The following PLXNA4 variants were observed in gnomAD, a reference collection of about 807,000 sequenced individuals.
PLXNA4 encodes plexin-A4.
Under a neutral mutation model 191.8 loss-of-function variants are expected in PLXNA4, and 44 were observed. The ratio of observed to expected loss-of-function variants is 0.23; its 90% CI spans 0.18 to 0.29. PLXNA4 has a LOEUF of 0.29. Among genes scored for constraint, PLXNA4 ranks in the 10% least tolerant of loss-of-function variants. The pLI, the probability that PLXNA4 is intolerant of heterozygous loss-of-function variation, is 1.00. For missense variants in PLXNA4, 1,800 were observed against 2,488.8 expected (o/e 0.72, Z 5.89); for synonymous variants, 1,082 against 1,009.5 (o/e 1.07, Z -1.36).
chr7:132,542,454 CT>C (rs1487074649), intron 1 of PLXNA4, among the ~76,000 whole-genome samples: 7 of 152,164 alleles, frequency 4.6e-5, no homozygotes, highest in Non-Finnish European at 1.0e-4. Context: ...CTTCAATTTT[CT>C]ATGTTTGTAC....
chr7:132,284,327 C>T (rs1238600029), intron 4 of PLXNA4, among the ~76,000 whole-genome samples: 1 of 152,352 alleles, frequency 6.6e-6, no homozygotes, highest in African/African-American at 2.4e-5. Context: ...CTAACTGATG[C>T]TTAAATCTGT....
rs1315826602 is a variant in PLXNA4, at chr7:132,174,912, C to T, written c.3883G>A (p.Glu1295Lys). ...VALECKEAFA[E>K]LQTDIHELTS... ...AGCTCATGGATGTCCGTCTGCAGCT[C>T]GGCAAAGGCTGGCACGAAGAGAAGC... The change falls in exon 21 of 32, where the codon GAG becomes AAG. Residue 1295 changes from glutamate (E) to lysine (K), a missense_variant. This residue lies in a region of PLXNA4 where 1,397 missense variants were observed against 1,880.4 expected (regional missense o/e 0.74). Transcript: ENST00000321063. 1 of 1,614,040 alleles carries T rather than the reference C, an allele frequency of 6.2e-7. No homozygotes were observed. The highest frequency in any genetic ancestry group is 1.3e-5 in the African/African-American group (1 of 75,038).
At chr7:132,480,234 G>A (rs1295340235) in intron 3 of PLXNA4, among the ~76,000 whole-genome samples, 1 of 152,216 alleles carries the variant, frequency 6.6e-6, no homozygotes, top group African/African-American at 2.4e-5. Context: ...GGGGGTGAAA[G>A]TGAGGAAAGT....
At chr7:132,209,871 T>A (rs1396263670) in intron 10 of PLXNA4, among the ~76,000 whole-genome samples, 1 of 152,202 alleles carries the variant, frequency 6.6e-6, no homozygotes, top group Non-Finnish European at 1.5e-5. Flanking sequence ...TGCCACTCAC[T>A]AGTTGTGTGA....
intron 3 of PLXNA4, among the ~76,000 whole-genome samples, chr7:132,380,124 TA>T (rs1804829870): frequency 6.6e-6 from 1 of 152,068 alleles, no homozygotes; most frequent in South Asian, 2.1e-4. Context: ...ATTCCAGGAG[TA>T]GCAGCAGCCC....
chr7:132,181,353 C>A (rs199629511), intron 18 of PLXNA4, 28 bp downstream of exon 18: 335 of 1,611,800 alleles, frequency 2.1e-4, no homozygotes, highest in Middle Eastern at 1.2e-3. Context: ...TCTTTTCCCA[C>A]CCCCGCCTCC....
At chr7:132,584,627 G>A (rs1000270873) in intron 2 of PLXNA4, among the ~76,000 whole-genome samples, 4 of 152,134 alleles carry the variant, frequency 2.6e-5, no homozygotes, top group South Asian at 2.1e-4. Context: ...CAGTGTATTC[G>A]TGTATATCTT....
intron 3 of PLXNA4, among the ~76,000 whole-genome samples, chr7:132,393,811 G>C (rs1384515349): frequency 2.0e-5 from 3 of 152,104 alleles, no homozygotes; most frequent in Non-Finnish European, 4.4e-5. Context: ...TAGCAGAGCG[G>C]GGCGGCACCA....
intron 1 of PLXNA4, among the ~76,000 whole-genome samples, chr7:132,554,419 C>A (rs544031356): frequency 5.3e-5 from 8 of 152,324 alleles, no homozygotes; most frequent in African/African-American, 1.7e-4. Flanking sequence ...AATACACTGA[C>A]ACACTCCGTT....
chr7:132,406,556 T>C (rs1362886657), intron 3 of PLXNA4, among the ~76,000 whole-genome samples: 1 of 152,220 alleles, frequency 6.6e-6, no homozygotes, highest in Admixed American at 6.5e-5. Context: ...TCAGAGCATC[T>C]GCTCCCTCCT....
At chr7:132,621,268 G>GTTTTTTTTTTTTTT (rs542790311) in intron 2 of PLXNA4, among the ~76,000 whole-genome samples, 1 of 83,198 alleles carries the variant, frequency 1.2e-5, no homozygotes, top group African/African-American at 3.9e-5. Context: ...TGGTTTTTTT[G>GTTTTTTTTTTTTTT]TTTTTTTTTT....
intron 4 of PLXNA4, among the ~76,000 whole-genome samples, chr7:132,244,227 C>A (rs994136604): frequency 6.6e-6 from 1 of 152,084 alleles, no homozygotes; most frequent in African/African-American, 2.4e-5. Flanking sequence ...AGGAACTGGG[C>A]GCGTTAGGTC....
chr7:132,466,650 G>A (rs1381245003), intron 3 of PLXNA4, among the ~76,000 whole-genome samples: 2 of 152,148 alleles, frequency 1.3e-5, no homozygotes, highest in African/African-American at 4.8e-5. Context: ...TCCCCTGGTG[G>A]CAGTGGGATG....
intron 16 of PLXNA4, among the ~76,000 whole-genome samples, chr7:132,184,843 A>ACC (rs1796824514): frequency 6.6e-6 from 1 of 152,094 alleles, no homozygotes; most frequent in East Asian, 1.9e-4. Context: ...AGGTATTTGG[A>ACC]TGGGGCCTCC....
chr7:132,542,659 C>T lies in PLXNA4; in HGVS notation c.-87+33763G>A, dbSNP rs534276632. Reference sequence around the variant, plus strand: ...GATAAGACTATTCTCACTGTATCCTCGATGTCTCTTACCTAAGTTTTCTGT... The same window carrying T: ...GATAAGACTATTCTCACTGTATCCTTGATGTCTCTTACCTAAGTTTTCTGT... On this transcript the variant is annotated intron_variant, in intron 1 of 31. Transcript: ENST00000321063. Among the ~76,000 whole-genome samples the T allele has an allele frequency of 5.7e-4, 87 of 152,236 alleles. 1 individual carries two copies. The highest frequency in any genetic ancestry group is 3.4e-3 in the Middle Eastern group (1 of 294).
Position 132,180,701 on chromosome 7 carries a change from C to T in PLXNA4, c.3524G>A (p.Gly1175Asp). The T allele has an allele frequency of 6.2e-7, 1 of 1,614,114 alleles. No individual in the cohort carries two copies. The highest frequency in any genetic ancestry group is 8.5e-7 in the Non-Finnish European group (1 of 1,180,002). Residue 1175 changes from glycine to aspartate, a missense_variant, in exon 19 of 32, where the codon GGC (glycine) becomes GAC (aspartate). By Grantham distance (94) the Gly-to-Asp change is moderately conservative. This residue lies in a region of PLXNA4 where 1,397 missense variants were observed against 1,880.4 expected (regional missense o/e 0.74). Coordinates refer to ENST00000321063, the MANE Select transcript of PLXNA4 (RefSeq NM_020911.2). ...CACAGTGTAGTTCAGCTTCACGTTGCCCCCAGCCACAGGCGGGATCAGGTT... is the reference window on the plus strand; with the variant it reads ...CACAGTGTAGTTCAGCTTCACGTTGTCCCCAGCCACAGGCGGGATCAGGTT... ...GKNLIPPVAG[G>D]NVKLNYTVLV...
intron 2 of PLXNA4, among the ~76,000 whole-genome samples, chr7:132,622,881 G>A (rs1460222572): frequency 6.6e-6 from 1 of 152,214 alleles, no homozygotes; most frequent in African/African-American, 2.4e-5. Flanking sequence ...ACTTTCTGTG[G>A]CATGGAGAAA....
intron 3 of PLXNA4, among the ~76,000 whole-genome samples, chr7:132,353,217 T>C (rs1803561829): frequency 6.6e-6 from 1 of 152,216 alleles, no homozygotes; most frequent in Non-Finnish European, 1.5e-5. Context: ...AATGTCTGGT[T>C]GGCTGGCTGA....
chr7:132,459,909 A>G (rs947848552), intron 3 of PLXNA4, among the ~76,000 whole-genome samples: 5 of 152,194 alleles, frequency 3.3e-5, no homozygotes, highest in Non-Finnish European at 7.3e-5. Flanking sequence ...TTCATTGTGT[A>G]CAAGAGTGCC....
Sources: allele counts gnomAD v4.1 joint callset (sites outside exome capture counted in the v4.1 genomes callset), GRCh38; gene constraint gnomAD v4.1.1; regional missense constraint gnomAD v4.1.1; transcripts MANE v1.5; gene names NCBI Gene and HGNC (gene_info 2026-07-23, HGNC 2026-07-21).